The following LYPLAL1 variants were observed in gnomAD, a reference collection of about 807,000 sequenced individuals.
LYPLAL1 encodes lysophospholipase like 1.
Under a neutral mutation model 19.7 loss-of-function variants are expected in LYPLAL1, and 23 were observed. The ratio of observed to expected loss-of-function variants is 1.17; its 90% CI spans 0.84 to 1.65. The LOEUF (loss-of-function observed/expected upper bound fraction) is 1.65, where lower values mean the gene tolerates loss of function less well. LYPLAL1 is among the 40% of genes most tolerant of loss of function. LYPLAL1 has a pLI of 0.00. For missense variants in LYPLAL1, 355 were observed against 279.4 expected (o/e 1.27, Z -1.93); for synonymous variants, 119 against 96.3 (o/e 1.24, Z -1.38).
chr1:219,244,943 A>G, the LYPLAL1 span, among the ~76,000 whole-genome samples: 3 of 138,874 alleles, frequency 2.2e-5, no homozygotes, highest in African/African-American at 7.8e-5. Flanking sequence ...AACACTTGCC[A>G]TAAATTTCTT....
chr1:219,354,980 G>A, the LYPLAL1 span, among the ~76,000 whole-genome samples: 1 of 152,198 alleles, frequency 6.6e-6, no homozygotes, highest in Admixed American at 6.5e-5. Context: ...ACAAAGGACA[G>A]GAGTGGAAAA....
At chr1:219,369,157 A>G in the LYPLAL1 span, among the ~76,000 whole-genome samples, 1 of 152,272 alleles carries the variant, frequency 6.6e-6, no homozygotes, top group Non-Finnish European at 1.5e-5. Flanking sequence ...AGAGACAATA[A>G]AAAAGACTAC....
chr1:219,417,212 G>C, the LYPLAL1 span, among the ~76,000 whole-genome samples: 1 of 151,152 alleles, frequency 6.6e-6, no homozygotes, highest in Non-Finnish European at 1.5e-5. Context: ...GAATTCATTG[G>C]TATAGGAAAT....
At chr1:219,244,386 T>C in the LYPLAL1 span, among the ~76,000 whole-genome samples, 1 of 152,130 alleles carries the variant, frequency 6.6e-6, no homozygotes, top group African/African-American at 2.4e-5. Context: ...ACACTCATGA[T>C]TGAGATAGTG....
At chr1:219,438,895 A>C in the LYPLAL1 span, among the ~76,000 whole-genome samples, 3 of 152,312 alleles carry the variant, frequency 2.0e-5, no homozygotes, top group South Asian at 6.2e-4. Flanking sequence ...GTCAATGGTT[A>C]ATTTATGTTT....
the LYPLAL1 span, among the ~76,000 whole-genome samples, chr1:219,266,799 C>G: frequency 6.6e-6 from 1 of 152,148 alleles, no homozygotes; most frequent in Non-Finnish European, 1.5e-5. Context: ...TATATGCAGT[C>G]CGTTGTTGAT....
the LYPLAL1 span, among the ~76,000 whole-genome samples, chr1:219,373,478 T>G: frequency 4.0e-3 from 614 of 152,278 alleles, 5 homozygotes; most frequent in African/African-American, 0.013. Context: ...CTGTTAATTA[T>G]GTACACTCTG....
At chr1:219,385,769 A>C in the LYPLAL1 span, among the ~76,000 whole-genome samples, 5 of 152,326 alleles carry the variant, frequency 3.3e-5, no homozygotes, top group South Asian at 1.0e-3. Context: ...GCACGCTGTA[A>C]TTTGCTAACA....
At chr1:219,322,295 A>G in the LYPLAL1 span, among the ~76,000 whole-genome samples, 1 of 152,178 alleles carries the variant, frequency 6.6e-6, no homozygotes, top group African/African-American at 2.4e-5. Context: ...CAGTTGATAA[A>G]TGTATCCACA....
chr1:219,431,857 G>C, the LYPLAL1 span, among the ~76,000 whole-genome samples: 1 of 152,300 alleles, frequency 6.6e-6, no homozygotes, highest in South Asian at 2.1e-4. Flanking sequence ...CAGTTGCCAA[G>C]TTGGGCGATT....
the LYPLAL1 span, among the ~76,000 whole-genome samples, chr1:219,249,476 G>A: frequency 6.6e-6 from 1 of 151,990 alleles, no homozygotes; most frequent in Non-Finnish European, 1.5e-5. Context: ...GTGTGTGTGT[G>A]TGTTGCTCTT....
chr1:219,383,427 C>T, the LYPLAL1 span, among the ~76,000 whole-genome samples: 1 of 152,190 alleles, frequency 6.6e-6, no homozygotes, highest in Non-Finnish European at 1.5e-5. Context: ...GGTCATTGTG[C>T]TTCCTGGCTC....
the LYPLAL1 span, among the ~76,000 whole-genome samples, chr1:219,246,025 G>A: frequency 3.4e-3 from 510 of 152,236 alleles, 6 homozygotes; most frequent in African/African-American, 0.012. Flanking sequence ...AGGTTTAATG[G>A]TTAACAAATT....
the LYPLAL1 span, among the ~76,000 whole-genome samples, chr1:219,274,292 G>A: frequency 6.6e-6 from 1 of 152,216 alleles, no homozygotes; most frequent in African/African-American, 2.4e-5. Context: ...TTCATCAGGG[G>A]TTAGAAGGCG....
the LYPLAL1 span, among the ~76,000 whole-genome samples, chr1:219,384,327 A>G: frequency 6.6e-6 from 1 of 152,242 alleles, no homozygotes; most frequent in African/African-American, 2.4e-5. Flanking sequence ...CTGTATTTGC[A>G]CTGTAATTAA....
At chr1:219,431,025 C>T in the LYPLAL1 span, among the ~76,000 whole-genome samples, 2 of 152,010 alleles carry the variant, frequency 1.3e-5, no homozygotes, top group Non-Finnish European at 2.9e-5. Flanking sequence ...TAATCTCATA[C>T]AATTGTCTTT....
chr1:219,346,472 T>TG, the LYPLAL1 span, among the ~76,000 whole-genome samples: 1 of 151,410 alleles, frequency 6.6e-6, no homozygotes, highest in Non-Finnish European at 1.5e-5. Context: ...TTTTTTTTTT[T>TG]TTTTTCAAAA....
chr1:219,247,631 T>C, the LYPLAL1 span, among the ~76,000 whole-genome samples: 5 of 152,214 alleles, frequency 3.3e-5, no homozygotes, highest in Non-Finnish European at 5.9e-5. Flanking sequence ...TGGTTTATAA[T>C]GTGATTGGTA....
At chr1:219,370,412 TC>T in the LYPLAL1 span, among the ~76,000 whole-genome samples, 2 of 152,178 alleles carry the variant, frequency 1.3e-5, no homozygotes, top group African/African-American at 4.8e-5. Context: ...CACTTGCTTC[TC>T]TCCCTATATC....
Sources: allele counts gnomAD v4.1 joint callset (sites outside exome capture counted in the v4.1 genomes callset), GRCh38; gene constraint gnomAD v4.1.1; transcripts MANE v1.5; gene names NCBI Gene and HGNC (gene_info 2026-07-23, HGNC 2026-07-21).